Variants in CSNK2A2 observed in about 807,000 individuals in gnomAD.
CSNK2A2 encodes casein kinase II subunit alpha'.
In CSNK2A2, 8 loss-of-function variants were observed where a neutral mutation model predicts 54.0. That is an observed-to-expected ratio of 0.15 (90% CI 0.09 to 0.27). The LOEUF (loss-of-function observed/expected upper bound fraction) is 0.27, where lower values mean the gene tolerates loss of function less well. Ranked by LOEUF, CSNK2A2 falls within the 10% of genes least tolerant of loss-of-function variation. The pLI is 1.00. For missense variants in CSNK2A2, 242 were observed against 439.4 expected, an observed-to-expected ratio of 0.55 and a Z score of 4.02; for synonymous variants, 141 against 153.9, an observed-to-expected ratio of 0.92 and a Z score of 0.62.
At position 58,167,907 on chromosome 16, in the gene CSNK2A2, A is replaced by T. The variant is rs533823094; in HGVS notation, c.514-112T>A. The T allele has an allele frequency of 1.0e-5, 8 of 802,176 alleles. No individual in the cohort carries two copies. The African/African-American group carries it at 1.4e-4, about 14-fold the overall frequency. The allele number at this position is 802,176 out of a possible 1,614,324, so 49.7% of individuals were successfully genotyped here. ...ATCATTTGGCCACACAAAAAATGTG[A>T]GCAGGTGCACTGGCTTAAAAATTAC... On this transcript the variant is annotated intron_variant, in intron 6 of 11. Coordinates refer to ENST00000262506, the MANE Select transcript of CSNK2A2 (RefSeq NM_001896.4).
chr16:58,160,591 A>ACT (rs1961312066), intron 11 of CSNK2A2: 1 of 152,320 alleles, frequency 6.6e-6, no homozygotes, highest in South Asian at 2.1e-4. Flanking sequence ...TCTCTCTGGG[A>ACT]CTAAGCGCCT....
intron 5 of CSNK2A2, 119 bp downstream of exon 5, chr16:58,174,332 C>A: frequency 1.5e-6 from 1 of 682,506 alleles, no homozygotes; most frequent in Non-Finnish European, 2.4e-6. Context: ...AGTTTAAAAA[C>A]TTCACTAAAT....
chr16:58,170,320 G>A (rs1169601197), intron 5 of CSNK2A2, among the ~76,000 whole-genome samples: 3 of 151,930 alleles, frequency 2.0e-5, no homozygotes, highest in African/African-American at 7.2e-5. Flanking sequence ...TGCCTTTTCT[G>A]TACATTCATA....
chr16:58,182,542 G>A lies in CSNK2A2; in HGVS notation c.369+1718C>T, dbSNP rs149468163. ...TGCACTCCAGCCTAGGCGACAGAGC[G>A]AGGCTCCGTCTCAAAAAAAAAAAAA... On this transcript the variant is annotated intron_variant, in intron 4 of 11. Transcript: ENST00000262506. 3.8e-3 allele frequency among the ~76,000 whole-genome samples: 529 copies of A among 140,776 alleles called. 13 individuals are homozygous for A. The East Asian group carries it at 0.08, about 21-fold the overall frequency. 92.4% of individuals were successfully genotyped at this position (140,776 alleles called of 152,430 possible). A position where few individuals can be genotyped will look rare whatever the true frequency, so the allele number is the denominator to read the frequency against.
Position 58,197,786 on chromosome 16 carries a change from G to T in CSNK2A2, c.-50C>A. ...CGGGGCGCAGAGGGTGGCGGCGGCG[G>T]CGCGGCGGGGGACGCGGGGCGTCGG... On this transcript the variant is annotated 5_prime_UTR_variant, in exon 1 of 12. Transcript: ENST00000262506. This position sits in a 1 kb window ranked among gnomAD's most constrained non-coding sequence, Gnocchi z 4.0. 2 of 528,120 alleles carry T rather than the reference G, an allele frequency of 3.8e-6. No homozygotes were observed. The highest frequency in any genetic ancestry group is 4.8e-6 in the Non-Finnish European group (2 of 412,852). The allele number at this position is 528,120 out of a possible 1,614,324, so 32.7% of individuals were successfully genotyped here. A position where few individuals can be genotyped will look rare whatever the true frequency, so the allele number is the denominator to read the frequency against.
chr16:58,164,158 G>T lies in CSNK2A2; in HGVS notation c.977-11C>A. ...CCTTCACCACAGGGTCTGCAAGAAA[G>T]CAGGAGGAAAGTCAGGCAATCAGGG... On this transcript the variant is annotated splice_polypyrimidine_tract_variant and intron_variant, in intron 10 of 11. Transcript: ENST00000262506. 1 of 1,613,530 alleles carries T rather than the reference G, an allele frequency of 6.2e-7. No individual in the cohort carries two copies. Among genetic ancestry groups the T allele is most frequent in the Non-Finnish European group, 8.5e-7 (1 of 1,179,670 alleles).
intron 5 of CSNK2A2, among the ~76,000 whole-genome samples, chr16:58,172,235 C>T (rs552020566): frequency 2.7e-5 from 4 of 150,610 alleles, no homozygotes; most frequent in Non-Finnish European, 5.9e-5. Flanking sequence ...TTTACATACA[C>T]AAACATCCAA....
intron 3 of CSNK2A2, 106 bp downstream of exon 3, chr16:58,186,649 A>C: frequency 1.3e-6 from 1 of 775,170 alleles, no homozygotes; most frequent in Admixed American, 2.7e-5. Context: ...TTAAAGACAA[A>C]CACCACCATC....
At chr16:58,192,369 A>G (rs1041279642) in intron 2 of CSNK2A2, among the ~76,000 whole-genome samples, 1 of 152,212 alleles carries the variant, frequency 6.6e-6, no homozygotes, top group African/African-American at 2.4e-5. Flanking sequence ...CTCATATATT[A>G]AAGGGATAAA....
intron 2 of CSNK2A2, among the ~76,000 whole-genome samples, chr16:58,190,966 G>A (rs1962308410): frequency 6.6e-6 from 1 of 152,150 alleles, no homozygotes; most frequent in Non-Finnish European, 1.5e-5. Context: ...GCTAAAACAT[G>A]GAAGCAACCC....
At chr16:58,188,044 AAGGGG>A (rs1201906045) in intron 2 of CSNK2A2, among the ~76,000 whole-genome samples, 7 of 152,080 alleles carry the variant, frequency 4.6e-5, no homozygotes, top group Non-Finnish European at 1.0e-4. Flanking sequence ...TGGGGTGGGG[AAGGGG>A]AGGGGAGGGG....
chr16:58,174,174 A>C (rs565713711), intron 5 of CSNK2A2: 79 of 283,686 alleles, frequency 2.8e-4, no homozygotes, highest in Non-Finnish European at 9.7e-5. Context: ...GGTATTAATA[A>C]AGCAGCAAAG....
At chr16:58,192,091 T>G (rs1567473654) in intron 2 of CSNK2A2, among the ~76,000 whole-genome samples, 2 of 152,216 alleles carry the variant, frequency 1.3e-5, no homozygotes, top group Non-Finnish European at 2.9e-5. Context: ...TATCTGACTT[T>G]CCTAACAATC....
intron 4 of CSNK2A2, among the ~76,000 whole-genome samples, chr16:58,176,138 AGG>A (rs1961872423): frequency 6.6e-6 from 1 of 152,214 alleles, no homozygotes; most frequent in Non-Finnish European, 1.5e-5. Context: ...CACAGAGACT[AGG>A]CTAAATTGAA....
intron 2 of CSNK2A2, among the ~76,000 whole-genome samples, chr16:58,191,933 CTGTT>C (rs1028944486): frequency 1.3e-5 from 2 of 152,186 alleles, no homozygotes; most frequent in Non-Finnish European, 2.9e-5. Context: ...ACTTAAGTAA[CTGTT>C]TGACGTCACA....
At chr16:58,178,232 C>CTT (rs964289951) in intron 4 of CSNK2A2, among the ~76,000 whole-genome samples, 2 of 142,226 alleles carry the variant, frequency 1.4e-5, no homozygotes, top group Admixed American at 6.9e-5. Context: ...TTATCGAAAT[C>CTT]TTTTTTTTTT....
chr16:58,179,847 AGGCG>A (rs1334739707), intron 4 of CSNK2A2, among the ~76,000 whole-genome samples: 2 of 152,184 alleles, frequency 1.3e-5, no homozygotes, highest in Non-Finnish European at 2.9e-5. Flanking sequence ...TGGGAGGCCA[AGGCG>A]GGTGGGTCAT....
At chr16:58,169,196 G>A (rs1961661595) in intron 5 of CSNK2A2, among the ~76,000 whole-genome samples, 2 of 151,890 alleles carry the variant, frequency 1.3e-5, no homozygotes, top group Admixed American at 1.3e-4. Context: ...AAGGTACTGG[G>A]ATTACAGGTG....
chr16:58,158,658 G>A (rs944753045), intron 11 of CSNK2A2, among the ~76,000 whole-genome samples: 1 of 152,216 alleles, frequency 6.6e-6, no homozygotes, highest in Non-Finnish European at 1.5e-5. Context: ...CCAGGGTGCT[G>A]ATGGAGAAGC....
Sources: allele counts gnomAD v4.1 joint callset (sites outside exome capture counted in the v4.1 genomes callset), GRCh38; gene constraint gnomAD v4.1.1; non-coding constraint Gnocchi (gnomAD v3.1); transcripts MANE v1.5; gene names NCBI Gene and HGNC (gene_info 2026-07-23, HGNC 2026-07-21).